The following GBE1 variants were observed in gnomAD, a reference collection of about 807,000 sequenced individuals.
GBE1 encodes 1,4-alpha-glucan branching enzyme 1.
Under a neutral mutation model 88.8 loss-of-function variants are expected in GBE1, and 70 were observed. That is an observed-to-expected ratio of 0.79 (90% CI 0.65 to 0.96). The LOEUF (loss-of-function observed/expected upper bound fraction) is 0.96. Ranked by LOEUF, GBE1 falls within the 40% of genes least tolerant of loss-of-function variation. The pLI is 0.00. For missense variants in GBE1, 872 were observed against 871.0 expected, an observed-to-expected ratio of 1.00 and a Z score of -0.01; for synonymous variants, 284 against 300.1, an observed-to-expected ratio of 0.95 and a Z score of 0.56.
chr3:81,544,932 T>G (rs1317371335), intron 12 of GBE1, among the ~76,000 whole-genome samples: 1 of 152,122 alleles, frequency 6.6e-6, no homozygotes, highest in African/African-American at 2.4e-5. Flanking sequence ...GCATACTAAT[T>G]TTACCTAGGA....
chr3:81,550,306 T>G lies in GBE1; in HGVS notation c.1619-13211A>C, dbSNP rs113415227. ...AGCACTCAATAGTTACGAATGGCTA[T>G]CACCATACCAATGCTTTCTGACTGA... On this transcript the variant is annotated intron_variant, in intron 12 of 15. Coordinates refer to ENST00000429644, the MANE Select transcript of GBE1 (RefSeq NM_000158.4). Among the ~76,000 whole-genome samples the G allele has an allele frequency of 9.8e-3, 1,482 of 151,508 alleles. 37 individuals are homozygous for G. Among genetic ancestry groups the G allele is most frequent in the African/African-American group, 0.032 (1,341 of 41,464 alleles).
At chr3:81,732,144 A>G (rs1706196598) in intron 1 of GBE1, among the ~76,000 whole-genome samples, 1 of 152,214 alleles carries the variant, frequency 6.6e-6, no homozygotes, top group South Asian at 2.1e-4. Flanking sequence ...GCATTAAAAT[A>G]TAGTTGTTAA....
At chr3:81,748,559 C>T (rs749004189) in intron 1 of GBE1, among the ~76,000 whole-genome samples, 5 of 151,998 alleles carry the variant, frequency 3.3e-5, no homozygotes, top group Non-Finnish European at 5.9e-5. Flanking sequence ...TGCAGTGAGC[C>T]GAGACCGCGC....
At chr3:81,586,240 C>G (rs752905429) in intron 9 of GBE1, 50 bp from the exon 10 acceptor site, 36 of 1,126,642 alleles carry the variant, frequency 3.2e-5, no homozygotes, top group Non-Finnish European at 4.3e-5. Context: ...AGTAAATATT[C>G]TGACTGTAAA....
chr3:81,523,976 C>T (rs560423365), intron 14 of GBE1, among the ~76,000 whole-genome samples: 2 of 151,802 alleles, frequency 1.3e-5, no homozygotes, highest in Admixed American at 6.6e-5. Context: ...CAAATATCTG[C>T]TCCATATACT....
At chr3:81,612,493 G>C in intron 7 of GBE1, 1 of 1,026,478 alleles carries the variant, frequency 9.7e-7, no homozygotes, top group Non-Finnish European at 1.5e-6. Flanking sequence ...CTTCAACTCT[G>C]GTCAAATAAT....
intron 2 of GBE1, among the ~76,000 whole-genome samples, chr3:81,687,604 G>A (rs143398470): frequency 7.2e-5 from 11 of 152,236 alleles, no homozygotes; most frequent in African/African-American, 2.2e-4. Flanking sequence ...GAGCAGGCTC[G>A]GGGTGTGCAA....
chr3:81,585,683 G>A lies in GBE1; in HGVS notation c.1335+409C>T, dbSNP rs145218415. ...TGGATGAATCCAATCCAAATTTGTTGAGGAAAAACCATACTATTAAGCAAG... is the reference window on the plus strand; with the variant it reads ...TGGATGAATCCAATCCAAATTTGTTAAGGAAAAACCATACTATTAAGCAAG... On this transcript the variant is annotated intron_variant, in intron 10 of 15. Coordinates refer to ENST00000429644, the MANE Select transcript of GBE1 (RefSeq NM_000158.4). Among the ~76,000 whole-genome samples the A allele has an allele frequency of 2.7e-3, 404 of 152,268 alleles. 1 individual carries two copies. Among genetic ancestry groups the A allele is most frequent in the South Asian group, 5.6e-3 (27 of 4,832 alleles).
Position 81,597,647 on chromosome 3 carries a change from A to G in GBE1, c.993-3624T>C, listed in dbSNP as rs147615869. 1.8e-4 allele frequency among the ~76,000 whole-genome samples: 27 copies of G among 151,298 alleles called. No homozygotes were observed. The East Asian group carries it at 4.9e-3, about 27-fold the overall frequency. On this transcript the variant is annotated intron_variant, in intron 7 of 15. Coordinates refer to ENST00000429644, the MANE Select transcript of GBE1 (RefSeq NM_000158.4). Reference sequence around the variant, plus strand: ...TAGTCAATTGATTAGCACACTCCCAATTTATTTTTTGGAGCAAAACAAAAT... The same window carrying G: ...TAGTCAATTGATTAGCACACTCCCAGTTTATTTTTTGGAGCAAAACAAAAT...
At chr3:81,616,086 T>C (rs1448182495) in intron 7 of GBE1, among the ~76,000 whole-genome samples, 1 of 152,200 alleles carries the variant, frequency 6.6e-6, no homozygotes, top group East Asian at 1.9e-4. Context: ...ATGATTATTT[T>C]AATTGTAGCG....
At chr3:81,731,708 TCTC>T (rs986837463) in intron 1 of GBE1, among the ~76,000 whole-genome samples, 2 of 151,986 alleles carry the variant, frequency 1.3e-5, no homozygotes, top group African/African-American at 4.8e-5. Context: ...GTGTAATACT[TCTC>T]CTTTCACCCT....
At chr3:81,583,026 C>G (rs1703755989) in intron 10 of GBE1, among the ~76,000 whole-genome samples, 1 of 151,924 alleles carries the variant, frequency 6.6e-6, no homozygotes, top group Non-Finnish European at 1.5e-5. Context: ...CCTCAAAACT[C>G]CACAGTAAAT....
intron 10 of GBE1, among the ~76,000 whole-genome samples, chr3:81,582,126 C>T (rs1255487505): frequency 6.6e-6 from 1 of 152,078 alleles, no homozygotes; most frequent in East Asian, 1.9e-4. Context: ...TACTCTCCCT[C>T]TTTAATTCAA....
intron 7 of GBE1, among the ~76,000 whole-genome samples, chr3:81,629,374 C>T (rs573923759): frequency 6.6e-6 from 1 of 151,892 alleles, no homozygotes; most frequent in African/African-American, 2.4e-5. Flanking sequence ...TTTTTTATGG[C>T]TGCATAGTAT....
At chr3:81,736,911 T>A (rs1005924714) in intron 1 of GBE1, among the ~76,000 whole-genome samples, 1 of 152,118 alleles carries the variant, frequency 6.6e-6, no homozygotes, top group Non-Finnish European at 1.5e-5. Context: ...CAGATTTACC[T>A]TTTTAGAAAA....
intron 1 of GBE1, among the ~76,000 whole-genome samples, chr3:81,721,080 T>C (rs866718210): frequency 1.9e-4 from 18 of 94,138 alleles, no homozygotes; most frequent in Middle Eastern, 7.8e-3. Context: ...AGGGATAGCA[T>C]TGGGAGATAT....
intron 12 of GBE1, among the ~76,000 whole-genome samples, chr3:81,557,117 G>C (rs1703359282): frequency 6.6e-6 from 1 of 152,024 alleles, no homozygotes; most frequent in Non-Finnish European, 1.5e-5. Context: ...AGGAAGCAAA[G>C]CAGCCAGGAT....
At chr3:81,542,644 T>C (rs1576140976) in intron 12 of GBE1, among the ~76,000 whole-genome samples, 1 of 152,114 alleles carries the variant, frequency 6.6e-6, no homozygotes, top group East Asian at 1.9e-4. Flanking sequence ...CAATACCATA[T>C]AATGGTATTG....
chr3:81,505,437 T>C (rs990234235), intron 14 of GBE1, among the ~76,000 whole-genome samples: 1 of 152,090 alleles, frequency 6.6e-6, no homozygotes. Context: ...CTTGCCACAA[T>C]GTTCCAACAC....
Sources: allele counts gnomAD v4.1 joint callset (sites outside exome capture counted in the v4.1 genomes callset), GRCh38; gene constraint gnomAD v4.1.1; transcripts MANE v1.5; gene names NCBI Gene and HGNC (gene_info 2026-07-23, HGNC 2026-07-21).